The following METTL15 variants were observed in gnomAD, a reference collection of about 807,000 sequenced individuals.
The protein encoded by METTL15 is 12S rRNA N(4)-cytidine methyltransferase METTL15.
In METTL15, 34 loss-of-function variants were observed where a neutral mutation model predicts 38.3. The ratio of observed to expected loss-of-function variants is 0.89; its 90% CI spans 0.68 to 1.18. METTL15 has a LOEUF of 1.18. METTL15 is among the 50% of genes most tolerant of loss of function. METTL15 has a pLI of 0.00. For synonymous variants in METTL15, 162 were observed against 170.9 expected, an observed-to-expected ratio of 0.95 and a Z score of 0.41; for missense variants, 438 against 498.4, an observed-to-expected ratio of 0.88 and a Z score of 1.15.
chr11:28,129,764 A>G (rs753995701), intron 3 of METTL15, among the ~76,000 whole-genome samples: 1 of 152,188 alleles, frequency 6.6e-6, no homozygotes, highest in East Asian at 1.9e-4. Flanking sequence ...GTTGAATTCA[A>G]TAAACATGTA....
At chr11:28,131,678 G>A (rs1352447855) in intron 3 of METTL15, among the ~76,000 whole-genome samples, 1 of 151,888 alleles carries the variant, frequency 6.6e-6, no homozygotes, top group Non-Finnish European at 1.5e-5. Flanking sequence ...AAAATGCATT[G>A]GAATCAGTGA....
intron 5 of METTL15, chr11:28,398,838 T>A (rs1194347531): frequency 6.6e-6 from 1 of 151,972 alleles, no homozygotes; most frequent in Non-Finnish European, 1.5e-5. Context: ...TGCTCATGTA[T>A]AGAAAGAATC....
chr11:28,123,100 C>T (rs1216228336), intron 3 of METTL15, among the ~76,000 whole-genome samples: 2 of 151,974 alleles, frequency 1.3e-5, no homozygotes, highest in Non-Finnish European at 2.9e-5. Context: ...ATGACCCAGG[C>T]AGAAAACAGG....
chr11:28,364,770 G>T (rs768942038), intron 5 of METTL15, among the ~76,000 whole-genome samples: 1 of 152,114 alleles, frequency 6.6e-6, no homozygotes, highest in Non-Finnish European at 1.5e-5. Flanking sequence ...AGTTCTCAAG[G>T]CAAATGGTTC....
At chr11:28,481,914 CA>C (rs1564943703) in intron 6 of METTL15, among the ~76,000 whole-genome samples, 1 of 152,268 alleles carries the variant, frequency 6.6e-6, no homozygotes, top group East Asian at 1.9e-4. Context: ...ATTGCTGTTA[CA>C]AAATGAAAAC....
At chr11:28,387,458 T>A (rs1850452435) in intron 5 of METTL15, among the ~76,000 whole-genome samples, 1 of 151,882 alleles carries the variant, frequency 6.6e-6, no homozygotes, top group Non-Finnish European at 1.5e-5. Flanking sequence ...AATGGATATA[T>A]TTACAGAACC....
intron 3 of METTL15, among the ~76,000 whole-genome samples, chr11:28,350,278 C>A (rs1233195146): frequency 6.6e-6 from 1 of 152,024 alleles, no homozygotes; most frequent in African/African-American, 2.4e-5. Context: ...ATTCACAAAT[C>A]CATTGATTTG....
chr11:28,156,435 C>T (rs1222069756), intron 3 of METTL15, among the ~76,000 whole-genome samples: 1 of 152,050 alleles, frequency 6.6e-6, no homozygotes, highest in South Asian at 2.1e-4. Context: ...TTCAAAATGC[C>T]ATAATTGTTC....
intron 6 of METTL15, among the ~76,000 whole-genome samples, chr11:28,298,769 C>A (rs987016820): frequency 9.2e-5 from 14 of 151,878 alleles, no homozygotes; most frequent in African/African-American, 3.4e-4. Context: ...GGAATTAGTC[C>A]ATTTTTATGT....
At chr11:28,504,310 A>G (rs1004551805) in intron 6 of METTL15, among the ~76,000 whole-genome samples, 4 of 152,112 alleles carry the variant, frequency 2.6e-5, no homozygotes, top group Non-Finnish European at 5.9e-5. Flanking sequence ...ACATACTACA[A>G]CTTGAGCTAG....
At chr11:28,432,487 T>C (rs1280753903) in intron 6 of METTL15, among the ~76,000 whole-genome samples, 2 of 152,210 alleles carry the variant, frequency 1.3e-5, no homozygotes, top group Non-Finnish European at 2.9e-5. Flanking sequence ...ATATTGTCCA[T>C]TGAAGGCAAG....
intron 6 of METTL15, among the ~76,000 whole-genome samples, chr11:28,438,420 C>T (rs909456741): frequency 1.8e-4 from 28 of 152,164 alleles, no homozygotes; most frequent in African/African-American, 5.3e-4. Flanking sequence ...TAAAGTCCTT[C>T]CTTTGGTCCC....
chr11:28,228,737 A>G (rs1195743832), intron 4 of METTL15, among the ~76,000 whole-genome samples: 2 of 151,960 alleles, frequency 1.3e-5, no homozygotes, highest in Admixed American at 6.6e-5. Flanking sequence ...CATGTTGTAT[A>G]TTAAATATTC....
At chr11:28,304,133 T>C (rs1277549620) in intron 6 of METTL15, among the ~76,000 whole-genome samples, 1 of 152,210 alleles carries the variant, frequency 6.6e-6, no homozygotes, top group Non-Finnish European at 1.5e-5. Context: ...ATGCAGTAGT[T>C]GGAACTCTTG....
At chr11:28,377,529 T>C (rs1412522267) in intron 5 of METTL15, among the ~76,000 whole-genome samples, 4 of 151,968 alleles carry the variant, frequency 2.6e-5, no homozygotes, top group African/African-American at 7.2e-5. Flanking sequence ...TAAGCACTTC[T>C]CTGTATTGGT....
intron 3 of METTL15, among the ~76,000 whole-genome samples, chr11:28,169,174 A>G (rs114558964): frequency 2.6e-4 from 39 of 152,304 alleles, no homozygotes; most frequent in African/African-American, 9.1e-4. Flanking sequence ...TAAAGCAATC[A>G]TCATTACTAT....
intron 4 of METTL15, among the ~76,000 whole-genome samples, chr11:28,268,191 C>T (rs1314510786): frequency 8.6e-5 from 6 of 69,898 alleles, no homozygotes; most frequent in South Asian, 8.5e-4. Context: ...AGCGAGACTC[C>T]GTCTCAAAAA....
At chr11:28,328,070 AAT>A (rs1431797448) in intron 6 of METTL15, 4 of 1,597,702 alleles carry the variant, frequency 2.5e-6, no homozygotes, top group Middle Eastern at 1.7e-4. Context: ...TTTACATGAA[AAT>A]ATATGTTTGT....
chr11:28,302,583 C>T (rs1009295003), intron 6 of METTL15, among the ~76,000 whole-genome samples: 3 of 152,126 alleles, frequency 2.0e-5, no homozygotes, highest in Non-Finnish European at 4.4e-5. Flanking sequence ...AGATGACTTG[C>T]TCCTCCTTGC....
Sources: allele counts gnomAD v4.1 joint callset (sites outside exome capture counted in the v4.1 genomes callset), GRCh38; gene constraint gnomAD v4.1.1; transcripts MANE v1.5; gene names NCBI Gene and HGNC (gene_info 2026-07-23, HGNC 2026-07-21).